The following MCU variants were observed in gnomAD, a reference collection of about 807,000 sequenced individuals.
MCU encodes the protein calcium uniporter protein, mitochondrial.
MCU carries 12 observed loss-of-function variants against 45.2 expected under a neutral mutation model. The ratio of observed to expected loss-of-function variants is 0.27; its 90% confidence interval spans 0.17 to 0.43. The LOEUF is 0.43. Ranked by LOEUF, MCU falls within the 20% of genes least tolerant of loss-of-function variation. The pLI is 1.00. For synonymous variants in MCU, 160 were observed against 165.1 expected (o/e 0.97, Z 0.24); for missense variants, 324 against 436.7 (o/e 0.74, Z 2.30).
chr10:72,738,152 A>G (rs1843277023), intron 1 of MCU, among the ~76,000 whole-genome samples: 1 of 152,226 alleles, frequency 6.6e-6, no homozygotes, highest in African/African-American at 2.4e-5. Flanking sequence ...CTGTAAATAT[A>G]ACAAAACTAA....
At chr10:72,826,755 A>G (rs1214845314) in intron 1 of MCU, among the ~76,000 whole-genome samples, 1 of 152,196 alleles carries the variant, frequency 6.6e-6, no homozygotes, top group African/African-American at 2.4e-5. Flanking sequence ...AGTCAGCTGT[A>G]GTCTGAAAAT....
At chr10:72,744,264 G>A (rs765837358) in intron 1 of MCU, among the ~76,000 whole-genome samples, 2 of 147,792 alleles carry the variant, frequency 1.4e-5, no homozygotes, top group African/African-American at 2.5e-5. Flanking sequence ...TTTTGGGTGC[G>A]TAATATTTTG....
chr10:72,822,650 AT>A (rs1844731433), intron 1 of MCU, among the ~76,000 whole-genome samples: 1 of 152,222 alleles, frequency 6.6e-6, no homozygotes, highest in Admixed American at 6.5e-5. Context: ...ATGAGATACC[AT>A]TTAACATCCA....
rs576930387 is a variant in MCU at position 72,742,984 on chromosome 10, T to G, written c.150+50683T>G. ...TATCGAATGGACATGTGAGAACATG[T>G]GAGAGTGTGTGAGAGAGTGAAGTGA... On this transcript the variant is annotated intron_variant, in intron 1 of 7. Coordinates refer to ENST00000373053, the MANE Select transcript of MCU (RefSeq NM_138357.3). Among the ~76,000 whole-genome samples the G allele has an allele frequency of 2.6e-4, 39 of 151,498 alleles. No homozygotes were observed. In the East Asian group the frequency reaches 7.6e-3, roughly 29 times the overall value.
intron 1 of MCU, among the ~76,000 whole-genome samples, chr10:72,704,009 T>G (rs1225763669): frequency 6.6e-6 from 1 of 152,216 alleles, no homozygotes; most frequent in Non-Finnish European, 1.5e-5. Flanking sequence ...AAATATTAGT[T>G]GAGACCTAAA....
chr10:72,697,777 T>A (rs529966109), intron 1 of MCU, among the ~76,000 whole-genome samples: 1 of 152,144 alleles, frequency 6.6e-6, no homozygotes, highest in South Asian at 2.1e-4. Flanking sequence ...TTTTATTTTT[T>A]ATTGTTTTGA....
chr10:72,740,229 A>T (rs1843307666), intron 1 of MCU, among the ~76,000 whole-genome samples: 1 of 151,978 alleles, frequency 6.6e-6, no homozygotes, highest in Non-Finnish European at 1.5e-5. Context: ...AATATAAAAA[A>T]TTAGCCGGGC....
intron 1 of MCU, among the ~76,000 whole-genome samples, chr10:72,777,744 A>G (rs1239284296): frequency 6.6e-6 from 1 of 152,214 alleles, no homozygotes; most frequent in Non-Finnish European, 1.5e-5. Flanking sequence ...GAAACAGTCA[A>G]CCTAGTAAGG....
intron 1 of MCU, among the ~76,000 whole-genome samples, chr10:72,718,064 T>C (rs1842976030): frequency 6.6e-6 from 1 of 152,208 alleles, no homozygotes; most frequent in Admixed American, 6.5e-5. Flanking sequence ...TCAGATTCCC[T>C]TAGTTTTTGC....
At chr10:72,880,727 G>A (rs1042544457) in intron 6 of MCU, among the ~76,000 whole-genome samples, 1 of 152,214 alleles carries the variant, frequency 6.6e-6, no homozygotes, top group South Asian at 2.1e-4. Context: ...TATTAGATAT[G>A]AAGACTACAG....
intron 1 of MCU, among the ~76,000 whole-genome samples, chr10:72,784,503 A>C (rs1260165597): frequency 6.6e-6 from 1 of 152,238 alleles, no homozygotes; most frequent in Non-Finnish European, 1.5e-5. Flanking sequence ...GAGAGGTTAA[A>C]GAATAGATTT....
intron 1 of MCU, among the ~76,000 whole-genome samples, chr10:72,717,977 T>C (rs1385961306): frequency 1.3e-5 from 2 of 152,220 alleles, no homozygotes; most frequent in East Asian, 3.8e-4. Flanking sequence ...ATTAACATTT[T>C]ACATTACTTT....
Position 72,809,304 on chromosome 10 carries a change from A to C in MCU, c.151-25055A>C, listed in dbSNP as rs145730836. ...CTTGCTCCAAACCACAAAGCTAATA[A>C]ATGGAAGAGCTGGGATTCAAATCCA... On this transcript the variant is annotated intron_variant, in intron 1 of 7. Transcript: ENST00000373053. Among the ~76,000 whole-genome samples the C allele has an allele frequency of 2.8e-4, 43 of 152,338 alleles. No individual in the cohort carries two copies. In the East Asian group the frequency reaches 7.7e-3, roughly 27 times the overall value.
At chr10:72,796,852 G>C (rs1192948274) in intron 1 of MCU, among the ~76,000 whole-genome samples, 1 of 151,888 alleles carries the variant, frequency 6.6e-6, no homozygotes, top group African/African-American at 2.4e-5. Context: ...CCTTGACCAA[G>C]AATTATTTAA....
intron 6 of MCU, 94 bp from the exon 7 acceptor site, chr10:72,884,172 G>A (rs988592872): frequency 2.5e-5 from 19 of 752,498 alleles, no homozygotes; most frequent in South Asian, 6.1e-5. Flanking sequence ...CAGCACACAC[G>A]CATACATATG....
intron 4 of MCU, among the ~76,000 whole-genome samples, chr10:72,864,772 A>G (rs1845428820): frequency 1.3e-5 from 2 of 152,206 alleles, no homozygotes; most frequent in African/African-American, 2.4e-5. Flanking sequence ...TGAAGTTGGA[A>G]TAATTAAACA....
intron 5 of MCU, among the ~76,000 whole-genome samples, chr10:72,870,384 T>G (rs1845522773): frequency 6.6e-6 from 1 of 152,130 alleles, no homozygotes; most frequent in Non-Finnish European, 1.5e-5. Context: ...GTTCACGCCA[T>G]TCTCCTGCCT....
At chr10:72,710,035 G>C (rs1261682198) in intron 1 of MCU, among the ~76,000 whole-genome samples, 1 of 152,170 alleles carries the variant, frequency 6.6e-6, no homozygotes, top group Non-Finnish European at 1.5e-5. Context: ...GAGTGCAGTG[G>C]TGCGATCTCA....
At chr10:72,741,369 G>C (rs1843329774) in intron 1 of MCU, among the ~76,000 whole-genome samples, 1 of 152,134 alleles carries the variant, frequency 6.6e-6, no homozygotes, top group African/African-American at 2.4e-5. Context: ...CCAAAGTGCT[G>C]GGATTAAAGG....
Sources: allele counts gnomAD v4.1 joint callset (sites outside exome capture counted in the v4.1 genomes callset), GRCh38; gene constraint gnomAD v4.1.1; transcripts MANE v1.5; gene names NCBI Gene and HGNC (gene_info 2026-07-23, HGNC 2026-07-21).